The following GAB1 variants were observed in gnomAD, a reference collection of about 807,000 sequenced individuals.
GAB1 encodes the protein GRB2-associated-binding protein 1.
Under a neutral mutation model 66.5 loss-of-function variants are expected in GAB1, and 19 were observed. That is an observed-to-expected ratio of 0.29 (90% CI 0.20 to 0.42). The LOEUF (loss-of-function observed/expected upper bound fraction) is 0.42. GAB1 is among the 10% of genes least tolerant of loss of function. GAB1 has a pLI of 1.00. For synonymous variants in GAB1, 294 were observed against 301.4 expected, an observed-to-expected ratio of 0.98 and a Z score of 0.25; for missense variants, 732 against 858.5, an observed-to-expected ratio of 0.85 and a Z score of 1.84.
At chr4:143,449,767 A>G (rs551654941) in intron 6 of GAB1, among the ~76,000 whole-genome samples, 8 of 152,148 alleles carry the variant, frequency 5.3e-5, no homozygotes, top group East Asian at 3.9e-4. Context: ...GTGTCTTTCA[A>G]TTGGAGCATT....
intron 8 of GAB1, among the ~76,000 whole-genome samples, chr4:143,463,069 A>T (rs1339696753): frequency 1.3e-5 from 2 of 152,190 alleles, no homozygotes; most frequent in Non-Finnish European, 2.9e-5. Context: ...AACAATGCCA[A>T]TTCCATATCC....
intron 2 of GAB1, among the ~76,000 whole-genome samples, chr4:143,416,647 G>A (rs1313649192): frequency 2.0e-5 from 3 of 151,376 alleles, no homozygotes; most frequent in South Asian, 2.1e-4. Flanking sequence ...GGTGGCACAC[G>A]CCTGTAGTTC....
chr4:143,372,173 A>T lies in GAB1; in HGVS notation c.72+34913A>T, dbSNP rs1419812391. ...AACCCCATCTCAGTTTAAAAAAAAAAGATGTATCTTGTTCCATTGTTGAAC... is the reference window on the plus strand; with the variant it reads ...AACCCCATCTCAGTTTAAAAAAAAATGATGTATCTTGTTCCATTGTTGAAC... On this transcript the variant is annotated intron_variant, in intron 1 of 9. Coordinates refer to ENST00000262994, the MANE Select transcript of GAB1 (RefSeq NM_002039.4). 2.7e-5 allele frequency among the ~76,000 whole-genome samples: 4 copies of T among 150,788 alleles called. No homozygotes were observed. The South Asian group carries it at 8.4e-4, about 32-fold the overall frequency.
At position 143,440,214 on chromosome 4, in the gene GAB1, G is replaced by T; in HGVS notation, c.1417G>T (p.Val473Leu). ...AGAACCAATTCAGGAAGCAAATTAT[G>T]TGCCAATGACTCCAGGAACATTTGA... is the stretch of plus-strand genomic sequence containing the variant. ...FTEPIQEANY[V>L]PMTPGTFDFS... The change falls in exon 6 of 10, where the codon GTG becomes TTG. Residue 473 changes from valine (V) to leucine (L), a missense_variant. Val to Leu is a conservative substitution (Grantham distance 32). Transcript: ENST00000262994. 4 of 1,614,136 alleles carry T rather than the reference G, an allele frequency of 2.5e-6. No homozygotes were observed. The highest frequency in any genetic ancestry group is 3.4e-6 in the Non-Finnish European group (4 of 1,180,014).
intron 1 of GAB1, among the ~76,000 whole-genome samples, chr4:143,348,875 T>C (rs1729076884): frequency 2.0e-5 from 3 of 152,130 alleles, no homozygotes; most frequent in Admixed American, 6.6e-5. Flanking sequence ...TCTCCGGGCC[T>C]TTGCACATGC....
intron 2 of GAB1, among the ~76,000 whole-genome samples, chr4:143,431,195 G>C (rs57652703): frequency 0.11 from 16,717 of 152,124 alleles, 2,069 homozygotes; most frequent in African/African-American, 0.31. Flanking sequence ...AAAGAGACAG[G>C]ATTAGGAAAA....
intron 1 of GAB1, among the ~76,000 whole-genome samples, chr4:143,342,817 C>A (rs1728868893): frequency 6.6e-6 from 1 of 151,922 alleles, no homozygotes; most frequent in Non-Finnish European, 1.5e-5. Context: ...CCCGCCTCAG[C>A]CTCCCAAAGT....
chr4:143,433,737 TGAGA>T (rs1578708535), intron 3 of GAB1, 21 bp downstream of exon 3: 5 of 1,564,434 alleles, frequency 3.2e-6, no homozygotes, highest in African/African-American at 1.4e-5. Context: ...TATGCCCATG[TGAGA>T]GAGAGACAGA....
At chr4:143,351,111 C>T (rs1323618922) in intron 1 of GAB1, among the ~76,000 whole-genome samples, 1 of 152,166 alleles carries the variant, frequency 6.6e-6, no homozygotes, top group East Asian at 1.9e-4. Context: ...ACGGGGTGCT[C>T]TTTTAGTTTG....
chr4:143,349,692 G>T, intron 1 of GAB1: 3 of 1,541,328 alleles, frequency 1.9e-6, no homozygotes, highest in Non-Finnish European at 2.6e-6. Context: ...TGGCCAGGAT[G>T]ATGGCCCCAC....
chr4:143,380,194 G>A (rs1417286289), intron 1 of GAB1, among the ~76,000 whole-genome samples: 1 of 151,752 alleles, frequency 6.6e-6, no homozygotes, highest in Non-Finnish European at 1.5e-5. Context: ...ATTGAATCTT[G>A]AAACCCTGTT....
rs183086729 is a variant in GAB1 at position 143,474,389 on chromosome 4, C to T, written c.*5200C>T. ...GAAATTTAAAAATTAAAATAATACC[C>T]AAAACCCACTTTATCAGATATGGTA... On this transcript the variant is annotated 3_prime_UTR_variant, in exon 10 of 10. Coordinates refer to ENST00000262994, the MANE Select transcript of GAB1 (RefSeq NM_002039.4). 9 of 152,146 alleles carry T rather than the reference C, an allele frequency of 5.9e-5. No individual in the cohort carries two copies. Among genetic ancestry groups the T allele is most frequent in the African/African-American group, 2.2e-4 (9 of 41,518 alleles). The allele number at this position is 152,146 out of a possible 1,614,324, so 9.4% of individuals were successfully genotyped here.
intron 2 of GAB1, among the ~76,000 whole-genome samples, chr4:143,416,619 C>T (rs1732706013): frequency 6.6e-6 from 1 of 151,702 alleles, no homozygotes; most frequent in African/African-American, 2.4e-5. Flanking sequence ...ACTAAAAATA[C>T]AAAAATTATC....
chr4:143,401,880 A>T (rs995331085), intron 1 of GAB1, among the ~76,000 whole-genome samples: 43 of 152,286 alleles, frequency 2.8e-4, no homozygotes, highest in African/African-American at 9.4e-4. Flanking sequence ...CTAGTTATTT[A>T]TTTAAAATAA....
chr4:143,415,922 T>A, intron 2 of GAB1, 151 bp downstream of exon 2: 1 of 666,114 alleles, frequency 1.5e-6, no homozygotes, highest in Non-Finnish European at 2.4e-6. Flanking sequence ...CTGAATCCTT[T>A]AATTAGTTTG....
rs138077393 is a variant in GAB1, at chr4:143,469,058, G to A, written c.1954G>A (p.Val652Ile). ...KQKSSGSGSS[V>I]ADERVDYVVV... is the part of the protein sequence containing the mutation. ...AAAGAGCAGTGGCTCAGGCAGCAGT[G>A]TAGCAGATGAGAGAGTGGATTATGT... Residue 652 changes from valine (V) to isoleucine (I), a missense_variant, in exon 10 of 10, where the codon GTA (valine) becomes ATA (isoleucine). This residue lies in a region of GAB1 where 204 missense variants were observed against 276.8 expected (regional missense o/e 0.74). Coordinates refer to ENST00000262994, the MANE Select transcript of GAB1 (RefSeq NM_002039.4). 1.9e-6 allele frequency: 3 copies of A among 1,614,116 alleles called. No homozygotes were observed. Among genetic ancestry groups the A allele is most frequent in the Non-Finnish European group, 2.5e-6 (3 of 1,179,980 alleles).
At chr4:143,430,131 G>A (rs1260104718) in intron 2 of GAB1, among the ~76,000 whole-genome samples, 5 of 152,148 alleles carry the variant, frequency 3.3e-5, no homozygotes, top group Non-Finnish European at 7.4e-5. Flanking sequence ...AATCTCCCAA[G>A]TTATCAGAAA....
At chr4:143,389,453 G>T (rs1384310787) in intron 1 of GAB1, among the ~76,000 whole-genome samples, 1 of 152,210 alleles carries the variant, frequency 6.6e-6, no homozygotes, top group Non-Finnish European at 1.5e-5. Context: ...AGTTGAACCT[G>T]TGAGTTCAAC....
chr4:143,425,154 T>C (rs1178879078), intron 2 of GAB1: 8 of 814,798 alleles, frequency 9.8e-6, no homozygotes, highest in Admixed American at 1.7e-5. Context: ...CCAGATGGAA[T>C]AGTACATCTC....
Sources: gnomAD v4.1 joint callset for allele counts (sites outside exome capture counted in the v4.1 genomes callset) on GRCh38, gnomAD v4.1.1 for gene constraint, gnomAD v4.1.1 regional missense constraint, MANE v1.5 for transcripts, NCBI Gene and HGNC (gene_info 2026-07-23, HGNC 2026-07-21) for gene names.